Variants in ITGA4 observed in about 807,000 individuals in gnomAD.
The protein encoded by ITGA4 is integrin subunit alpha 4, also known as integrin alpha-4.
ITGA4 carries 63 observed loss-of-function variants against 133.6 expected under a neutral mutation model. That is an observed-to-expected ratio of 0.47 (90% CI 0.38 to 0.58). The LOEUF (loss-of-function observed/expected upper bound fraction) is 0.58. Ranked by LOEUF, ITGA4 falls within the 20% of genes least tolerant of loss-of-function variation. ITGA4 has a pLI of 0.00. For missense variants in ITGA4, 1,076 were observed against 1,252.7 expected, an observed-to-expected ratio of 0.86 and a Z score of 2.13; for synonymous variants, 483 against 438.0, an observed-to-expected ratio of 1.10 and a Z score of -1.28.
At chr2:181,508,183 A>C (rs1049149904) in intron 15 of ITGA4, among the ~76,000 whole-genome samples, 2 of 152,084 alleles carry the variant, frequency 1.3e-5, no homozygotes, top group African/African-American at 4.8e-5. Flanking sequence ...CTTTGGAGAC[A>C]GAAGACAATG....
intron 5 of ITGA4, chr2:181,479,334 A>T (rs1308043915): frequency 1.3e-5 from 2 of 152,002 alleles, no homozygotes; most frequent in Non-Finnish European, 2.9e-5. Flanking sequence ...AGTTGTACTC[A>T]ACCCCAAATC....
chr2:181,457,867 C>T lies in ITGA4; in HGVS notation c.197+16C>T, dbSNP rs1685165743. ...CGAACCGATGGTGAGTAGAGTTGGACTGATGCGCCCTCAGCAGCTCAGAGC... is the reference window on the plus strand; with the variant it reads ...CGAACCGATGGTGAGTAGAGTTGGATTGATGCGCCCTCAGCAGCTCAGAGC... On this transcript the variant is annotated intron_variant, in intron 1 of 27. Transcript: ENST00000397033. 2 of 1,597,234 alleles carry T rather than the reference C, an allele frequency of 1.3e-6. No individual in the cohort carries two copies. The highest frequency in any genetic ancestry group is 4.5e-5 in the East Asian group (2 of 44,624).
chr2:181,485,209 G>A (rs184145469), intron 9 of ITGA4, among the ~76,000 whole-genome samples: 5 of 152,020 alleles, frequency 3.3e-5, no homozygotes, highest in Non-Finnish European at 4.4e-5. Context: ...AATTTTCCTC[G>A]ACAATCAAGA....
chr2:181,468,475 A>C (rs1305654997), intron 2 of ITGA4, among the ~76,000 whole-genome samples: 1 of 152,132 alleles, frequency 6.6e-6, no homozygotes, highest in African/African-American at 2.4e-5. Context: ...GTAAGGCACT[A>C]TCTTGAGCTG....
At position 181,495,013 on chromosome 2, in the gene ITGA4, T is replaced by C. The variant is rs1048169691; in HGVS notation, c.1339+201T>C. Among the ~76,000 whole-genome samples the C allele has an allele frequency of 2.6e-5, 4 of 152,204 alleles. No homozygotes were observed. Among genetic ancestry groups the C allele is most frequent in the Non-Finnish European group, 5.9e-5 (4 of 68,022 alleles). On this transcript the variant is annotated intron_variant, in intron 12 of 27. Coordinates refer to ENST00000397033, the MANE Select transcript of ITGA4 (RefSeq NM_000885.6). This position sits in a 1 kb window ranked among gnomAD's most constrained non-coding sequence, Gnocchi z 4.3. Reference sequence around the variant, plus strand: ...TAACAGTGCTAGTTACACAATGTTATAGTCTGTGTTTTTGAAAACATGAAA... The same window carrying C: ...TAACAGTGCTAGTTACACAATGTTACAGTCTGTGTTTTTGAAAACATGAAA...
chr2:181,465,754 C>T (rs1685396000), intron 2 of ITGA4, among the ~76,000 whole-genome samples: 1 of 152,056 alleles, frequency 6.6e-6, no homozygotes, highest in South Asian at 2.1e-4. Context: ...AAAGTACTAA[C>T]AACTAATTGT....
Position 181,516,917 on chromosome 2 carries a change from TAA to T in ITGA4, c.1922+5144_1922+5145del, listed in dbSNP as rs1395458115. On this transcript the variant is annotated intron_variant, in intron 17 of 27. Transcript: ENST00000397033. This position sits in a 1 kb window ranked among gnomAD's most constrained non-coding sequence, Gnocchi z 4.0. ...ACGAATATTTGGCTCACTGACAGCA[TAA>T]AGTTTTGGGAGAATGAATTATATGC... Among the ~76,000 whole-genome samples, 1 of 152,078 alleles carries T rather than the reference TAA, an allele frequency of 6.6e-6. No homozygotes were observed. Among genetic ancestry groups the T allele is most frequent in the Non-Finnish European group, 1.5e-5 (1 of 67,982 alleles).
At position 181,511,496 on chromosome 2, in the gene ITGA4, C is replaced by G. The variant is rs563424499; in HGVS notation, c.1846-203C>G. Among the ~76,000 whole-genome samples the G allele has an allele frequency of 7.0e-4, 107 of 152,110 alleles. 1 individual carries two copies. The highest frequency in any genetic ancestry group is 2.5e-3 in the African/African-American group (105 of 41,524). On this transcript the variant is annotated intron_variant, in intron 16 of 27. Coordinates refer to ENST00000397033, the MANE Select transcript of ITGA4 (RefSeq NM_000885.6). ...TAAATTTTACCTATTTAGAACTTAGCTCTTTTAGCCCTGCAAGTAATTGTC... is the reference window on the plus strand; with the variant it reads ...TAAATTTTACCTATTTAGAACTTAGGTCTTTTAGCCCTGCAAGTAATTGTC...
intron 2 of ITGA4, among the ~76,000 whole-genome samples, chr2:181,468,355 G>A (rs963537473): frequency 1.6e-4 from 24 of 152,302 alleles, no homozygotes; most frequent in Middle Eastern, 3.4e-3. Context: ...ATCTCTGAGA[G>A]TTTGGTGATA....
In ITGA4 at chr2:181,535,547, A is replaced by T; in HGVS notation, c.*20A>T. The T allele has an allele frequency of 6.3e-7, 1 of 1,583,904 alleles. No individual in the cohort carries two copies. ...GATTAAGGACTTCTTTCAAATTGAG[A>T]GAATGGAAAACAGACTCAGGTTGTA... On this transcript the variant is annotated 3_prime_UTR_variant, in exon 28 of 28. Coordinates refer to ENST00000397033, the MANE Select transcript of ITGA4 (RefSeq NM_000885.6).
At chr2:181,462,641 CAGAG>C (rs1278016562) in intron 2 of ITGA4, among the ~76,000 whole-genome samples, 7 of 152,248 alleles carry the variant, frequency 4.6e-5, no homozygotes, top group African/African-American at 7.2e-5. Flanking sequence ...AAAATCAAGA[CAGAG>C]AGCTTCACTA....
intron 2 of ITGA4, among the ~76,000 whole-genome samples, chr2:181,469,249 G>T (rs1213562757): frequency 6.6e-6 from 1 of 152,094 alleles, no homozygotes; most frequent in African/African-American, 2.4e-5. Flanking sequence ...GGGGAACAAA[G>T]GATATTACTT....
intron 15 of ITGA4, among the ~76,000 whole-genome samples, chr2:181,502,861 C>A (rs1263170396): frequency 1.1e-4 from 16 of 151,850 alleles, no homozygotes; most frequent in Admixed American, 9.2e-4. Flanking sequence ...TGAAGAGTTA[C>A]AATTAACCAG....
rs1687228542 is a variant in ITGA4, at chr2:181,537,730, AAC to A, written c.*2207_*2208del. 2.3e-6 allele frequency: 1 copy of A among 440,058 alleles called. No individual in the cohort carries two copies. Among genetic ancestry groups the A allele is most frequent in the Non-Finnish European group, 4.5e-6 (1 of 219,780 alleles). 27.3% of individuals were successfully genotyped at this position (440,058 alleles called of 1,614,324 possible). A position where few individuals can be genotyped will look rare whatever the true frequency, so the allele number is the denominator to read the frequency against. On this transcript the variant is annotated 3_prime_UTR_variant, in exon 28 of 28. Coordinates refer to ENST00000397033, the MANE Select transcript of ITGA4 (RefSeq NM_000885.6). ...GCAAAGTTTTTTTGTGTGTCCAATA[AAC>A]ACATTGTAAAAAAAAGAATTTGAAT... is the stretch of plus-strand genomic sequence containing the variant.
At position 181,537,289 on chromosome 2, in the gene ITGA4, T is replaced by C. The variant is rs1034013124; in HGVS notation, c.*1762T>C. Reference sequence around the variant, plus strand: ...ACTCAGAACTACTCAGAAACAACTATATATTTCAGGTTATCTGAGCACAGT... The same window carrying C: ...ACTCAGAACTACTCAGAAACAACTACATATTTCAGGTTATCTGAGCACAGT... On this transcript the variant is annotated 3_prime_UTR_variant, in exon 28 of 28. Coordinates refer to ENST00000397033, the MANE Select transcript of ITGA4 (RefSeq NM_000885.6). The C allele has an allele frequency of 4.4e-6, 2 of 453,896 alleles. No homozygotes were observed. Among genetic ancestry groups the C allele is most frequent in the Admixed American group, 4.7e-5 (2 of 42,524 alleles). 28.1% of individuals were successfully genotyped at this position (453,896 alleles called of 1,614,324 possible).
chr2:181,535,168 T>C (rs1423974266), intron 27 of ITGA4, among the ~76,000 whole-genome samples: 3 of 152,152 alleles, frequency 2.0e-5, no homozygotes, highest in Admixed American at 1.3e-4. Flanking sequence ...TTGGAAAAGA[T>C]TGCAAATTAC....
chr2:181,538,005 T>C lies in ITGA4; in HGVS notation c.*2478T>C, dbSNP rs1318277447. The C allele has an allele frequency of 1.0e-5, 7 of 682,946 alleles. No homozygotes were observed. Among genetic ancestry groups the C allele is most frequent in the Non-Finnish European group, 1.9e-5 (7 of 364,190 alleles). 42.3% of individuals were successfully genotyped at this position (682,946 alleles called of 1,614,324 possible). Reference sequence around the variant, plus strand: ...TAGAGTGCCATGTTCCTCAAGAGAATCTAATGCCTGATGATCTGAGGTGGA... The same window carrying C: ...TAGAGTGCCATGTTCCTCAAGAGAACCTAATGCCTGATGATCTGAGGTGGA... On this transcript the variant is annotated 3_prime_UTR_variant, in exon 28 of 28. Transcript: ENST00000397033.
At position 181,488,716 on chromosome 2, in the gene ITGA4, C is replaced by T. The variant is rs575986347; in HGVS notation, c.1153+2724C>T. ...TGGGACTACAGGCACCCGCCACCAC[C>T]CCAGCTAATTTTTTTGTGTTTTTAG... On this transcript the variant is annotated intron_variant, in intron 10 of 27. Coordinates refer to ENST00000397033, the MANE Select transcript of ITGA4 (RefSeq NM_000885.6). Among the ~76,000 whole-genome samples, 163 of 151,816 alleles carry T rather than the reference C, an allele frequency of 1.1e-3. 1 individual carries two copies. The highest frequency in any genetic ancestry group is 3.6e-3 in the African/African-American group (149 of 41,396).
chr2:181,537,660 T>C lies in ITGA4; in HGVS notation c.*2133T>C, dbSNP rs1559064314. 3 of 435,000 alleles carry C rather than the reference T, an allele frequency of 6.9e-6. No homozygotes were observed. In the East Asian group the frequency reaches 2.1e-4, roughly 30 times the overall value. 26.9% of individuals were successfully genotyped at this position (435,000 alleles called of 1,614,324 possible). ...TCCTGAAAAATGAAAGAATCCAAAT[T>C]ATTTCAGAATTATCTAGGTTAAATA... On this transcript the variant is annotated 3_prime_UTR_variant, in exon 28 of 28. Transcript: ENST00000397033.
Sources: gnomAD v4.1 joint callset for allele counts (sites outside exome capture counted in the v4.1 genomes callset) on GRCh38, gnomAD v4.1.1 for gene constraint, Gnocchi (gnomAD v3.1) non-coding constraint, MANE v1.5 for transcripts, NCBI Gene and HGNC (gene_info 2026-07-23, HGNC 2026-07-21) for gene names.